DHTKD1: variants seen among roughly 807,000 people sequenced by gnomAD.
DHTKD1 encodes 2-oxoadipate dehydrogenase complex component E1.
A neutral mutation model predicts 101.8 loss-of-function variants in DHTKD1; 78 were observed. The ratio of observed to expected loss-of-function variants is 0.77; its 90% CI spans 0.64 to 0.93. The LOEUF is 0.93. Ranked by LOEUF, DHTKD1 falls within the 40% of genes least tolerant of loss-of-function variation. The probability of loss-of-function intolerance (pLI) is 0.00; values close to 1 mark genes in which losing one functional copy is unlikely to be tolerated. For synonymous variants in DHTKD1, 462 were observed against 450.3 expected (o/e 1.03, Z -0.33); for missense variants, 1,223 against 1,161.7 (o/e 1.05, Z -0.77).
chr10:12,102,261 T>G (rs564528654), intron 10 of DHTKD1, among the ~76,000 whole-genome samples: 164 of 151,714 alleles, frequency 1.1e-3, no homozygotes, highest in African/African-American at 3.8e-3. Context: ...CCATCTCTAC[T>G]AAAAATAGAA....
At chr10:12,074,528 TG>T (rs1832697142) in intron 1 of DHTKD1, among the ~76,000 whole-genome samples, 2 of 151,434 alleles carry the variant, frequency 1.3e-5, no homozygotes, top group Admixed American at 6.6e-5. Flanking sequence ...GCTAATTTTT[TG>T]TTTTTTTTTT....
rs1358089836 is a variant in DHTKD1 at position 12,112,820 on chromosome 10, C to T, written c.2155-80C>T. 3 of 1,378,810 alleles carry T rather than the reference C, an allele frequency of 2.2e-6. No individual in the cohort carries two copies. The African/African-American group carries it at 4.4e-5, about 20-fold the overall frequency. The allele number at this position is 1,378,810 out of a possible 1,614,324, so 85.4% of individuals were successfully genotyped here. ...GCTATAATCAAGAACACCTGTGTTT[C>T]CCTTTGGCCAGCCCATTGTCACTAC... is the stretch of plus-strand genomic sequence containing the variant. On this transcript the variant is annotated intron_variant, in intron 12 of 16. Transcript: ENST00000263035.
Position 12,118,823 on chromosome 10 carries a change from A to G in DHTKD1, c.2477A>G (p.Lys826Arg), listed in dbSNP as rs772739418. The change falls in exon 15 of 17, where the codon AAG (lysine) becomes AGG (arginine). Residue 826 changes from lysine (K) to arginine (R), a missense_variant. Transcript: ENST00000263035. ...AAACAAAGAGAATCTCTGGGGGCCA[A>G]GAAGCATGACTTTGCCATCATCCGA... Reference protein sequence around the residue: ...LVKQRESLGAKKHDFAIIRVE... With the variant: ...LVKQRESLGARKHDFAIIRVE... 2 of 1,609,166 alleles carry G rather than the reference A, an allele frequency of 1.2e-6. No individual in the cohort carries two copies. The highest frequency in any genetic ancestry group is 1.7e-5 in the Admixed American group (1 of 59,104).
chr10:12,089,772 G>C (rs986748002), intron 5 of DHTKD1, among the ~76,000 whole-genome samples: 46 of 152,170 alleles, frequency 3.0e-4, no homozygotes, highest in Admixed American at 1.1e-3. Context: ...CTGGGTTCAA[G>C]TGATTCTCCT....
chr10:12,073,674 T>C (rs958667686), intron 1 of DHTKD1, among the ~76,000 whole-genome samples: 3 of 152,152 alleles, frequency 2.0e-5, no homozygotes, highest in Admixed American at 1.3e-4. Flanking sequence ...TTTCAAAATC[T>C]GGAAAAGCTC....
intron 1 of DHTKD1, among the ~76,000 whole-genome samples, chr10:12,076,423 C>G (rs919077361): frequency 1.3e-5 from 2 of 151,048 alleles, no homozygotes; most frequent in Admixed American, 1.3e-4. Context: ...TTGCAGTGAG[C>G]CGAGATGGTG....
rs1755660135 is a variant in DHTKD1 at position 12,103,004 on chromosome 10, C to T, written c.1896+1823C>T. On this transcript the variant is annotated intron_variant, in intron 10 of 16. Coordinates refer to ENST00000263035, the MANE Select transcript of DHTKD1 (RefSeq NM_018706.7). The surrounding 1 kb of genome is among the most constrained non-coding windows in gnomAD (Gnocchi z 4.8). ...TTGGGAGGCCAAGGCAGGCAGATCA[C>T]TTGAGGCCAGGAGTTCAACACTGGC... Among the ~76,000 whole-genome samples, 1 of 152,232 alleles carries T rather than the reference C, an allele frequency of 6.6e-6. No homozygotes were observed. Among genetic ancestry groups the T allele is most frequent in the Admixed American group, 6.5e-5 (1 of 15,282 alleles).
chr10:12,079,316 T>G (rs924087434), intron 1 of DHTKD1, among the ~76,000 whole-genome samples: 9 of 152,136 alleles, frequency 5.9e-5, no homozygotes, highest in African/African-American at 2.2e-4. Flanking sequence ...GCTCTGGAGT[T>G]AGAAAGAAAA....
Position 12,121,218 on chromosome 10 carries a change from T to TAAAAA in DHTKD1, c.*330_*331insAAAAA. The TAAAAA allele has an allele frequency of 6.4e-5, 1 of 15,530 alleles. No individual in the cohort carries two copies. The highest frequency in any genetic ancestry group is 1.6e-4 in the Non-Finnish European group (1 of 6,418). 1.0% of individuals were successfully genotyped at this position (15,530 alleles called of 1,614,324 possible). ...CTGGGTGACAGAGCAAGACTGCGTT[T>TAAAAA]CAAAAAAAAAAAAAAAAAAACCCAT... On this transcript the variant is annotated 3_prime_UTR_variant, in exon 17 of 17. Transcript: ENST00000263035.
chr10:12,095,812 CA>C (rs1185585860), intron 7 of DHTKD1, among the ~76,000 whole-genome samples: 1,573 of 41,518 alleles, frequency 0.038, 19 homozygotes, highest in African/African-American at 0.083. Flanking sequence ...GACTCCGTCT[CA>C]AAAAAAAAAA....
chr10:12,089,239 G>GGGTCAT lies in DHTKD1; in HGVS notation c.972_977dup (p.Val325_Ile326insMetVal), dbSNP rs1435048583. 5 of 1,613,892 alleles carry GGGTCAT rather than the reference G, an allele frequency of 3.1e-6. No individual in the cohort carries two copies. Among genetic ancestry groups the GGGTCAT allele is most frequent in the Non-Finnish European group, 4.2e-6 (5 of 1,180,020 alleles). Reference sequence around the variant, plus strand: ...GACAACTCAGCCCAGCCGGGGGACAGGGTCATTTGCTTACAGGTACTTGGA... The same window carrying GGGTCAT: ...GACAACTCAGCCCAGCCGGGGGACAGGGTCATGGTCATTTGCTTACAGGTACTTGGA... On this transcript the variant is annotated inframe_insertion, in exon 5 of 17. Coordinates refer to ENST00000263035, the MANE Select transcript of DHTKD1 (RefSeq NM_018706.7).
At chr10:12,102,021 G>A (rs1833178744) in intron 10 of DHTKD1, among the ~76,000 whole-genome samples, 1 of 152,268 alleles carries the variant, frequency 6.6e-6, no homozygotes, top group Middle Eastern at 3.4e-3. Context: ...AGCACATGAT[G>A]TTTATGAAAA....
rs1004764465 is a variant in DHTKD1 at position 12,101,093 on chromosome 10, A to G, written c.1808A>G (p.Gln603Arg). 9 of 1,614,032 alleles carry G rather than the reference A, an allele frequency of 5.6e-6. No homozygotes were observed. Among genetic ancestry groups the G allele is most frequent in the Non-Finnish European group, 7.6e-6 (9 of 1,180,046 alleles). ...GQDVGRGTFS[Q>R]RHAIVVCQET... ...GATGTTGGTCGTGGAACTTTCAGTC[A>G]GAGGCATGCAATCGTGGTTTGCCAG... The change falls in exon 10 of 17, where the codon CAG becomes CGG. Residue 603 changes from glutamine (Q) to arginine (R), a missense_variant. Physicochemically the swap from Gln to Arg is conservative, Grantham distance 43. Transcript: ENST00000263035.
At chr10:12,088,028 A>C (rs1486429630) in intron 4 of DHTKD1, among the ~76,000 whole-genome samples, 1 of 152,178 alleles carries the variant, frequency 6.6e-6, no homozygotes, top group Non-Finnish European at 1.5e-5. Context: ...CCAGAGGATC[A>C]CTTGAGCCCA....
In DHTKD1 at chr10:12,101,316, G is replaced by A. The variant is rs993924509; in HGVS notation, c.1896+135G>A. On this transcript the variant is annotated intron_variant, in intron 10 of 16. Transcript: ENST00000263035. ...GAAGTAAAGGAGTGCTAAATGGGTGGATGAGGTGGGTCTGTCAATTTGGAA... is the reference window on the plus strand; with the variant it reads ...GAAGTAAAGGAGTGCTAAATGGGTGAATGAGGTGGGTCTGTCAATTTGGAA... 3.2e-6 allele frequency: 3 copies of A among 925,622 alleles called. No homozygotes were observed. The African/African-American group carries it at 5.0e-5, about 15-fold the overall frequency. The allele number at this position is 925,622 out of a possible 1,614,324, so 57.3% of individuals were successfully genotyped here.
intron 14 of DHTKD1, among the ~76,000 whole-genome samples, chr10:12,118,454 C>T (rs1209130333): frequency 2.0e-5 from 3 of 149,184 alleles, no homozygotes; most frequent in Non-Finnish European, 4.4e-5. Context: ...ACGATCTTGG[C>T]TCACTGCAAG....
At chr10:12,119,485 G>T (rs1043971047) in intron 15 of DHTKD1, among the ~76,000 whole-genome samples, 1 of 150,966 alleles carries the variant, frequency 6.6e-6, no homozygotes, top group South Asian at 2.1e-4. Flanking sequence ...GCGTGGTGGC[G>T]GGCGCCTGTA....
rs916670514 is a variant in DHTKD1 at position 12,075,120 on chromosome 10, A to G, written c.154+5933A>G. On this transcript the variant is annotated intron_variant, in intron 1 of 16. Coordinates refer to ENST00000263035, the MANE Select transcript of DHTKD1 (RefSeq NM_018706.7). ...AGCAAGACTTTGTCTCAAAAAAAGA[A>G]AAAAGAAAACATCCCCTTAGAGAAG... Among the ~76,000 whole-genome samples, 3 of 152,202 alleles carry G rather than the reference A, an allele frequency of 2.0e-5. No individual in the cohort carries two copies. The East Asian group carries it at 5.8e-4, about 29-fold the overall frequency.
At chr10:12,098,626 G>A (rs529966347) in intron 8 of DHTKD1, among the ~76,000 whole-genome samples, 23 of 151,892 alleles carry the variant, frequency 1.5e-4, no homozygotes, top group Non-Finnish European at 3.4e-4. Context: ...GTGCAGTGGC[G>A]TGATCTCGGC....
Sources: allele counts gnomAD v4.1 joint callset (sites outside exome capture counted in the v4.1 genomes callset), GRCh38; gene constraint gnomAD v4.1.1; non-coding constraint Gnocchi (gnomAD v3.1); transcripts MANE v1.5; gene names NCBI Gene and HGNC (gene_info 2026-07-23, HGNC 2026-07-21).